The following SMURF2 variants were observed in gnomAD, a reference collection of about 807,000 sequenced individuals.
The protein encoded by SMURF2 is E3 ubiquitin-protein ligase SMURF2.
A neutral mutation model predicts 109.6 loss-of-function variants in SMURF2; 48 were observed. The observed-to-expected ratio is 0.44, with a 90% CI of 0.35 to 0.56. The LOEUF (loss-of-function observed/expected upper bound fraction) is 0.56, where lower values mean the gene tolerates loss of function less well. SMURF2 is among the 20% of genes least tolerant of loss of function. The pLI, the probability that SMURF2 is intolerant of heterozygous loss-of-function variation, is 0.01. For missense variants in SMURF2, 575 were observed against 909.0 expected, an observed-to-expected ratio of 0.63 and a Z score of 4.72; for synonymous variants, 288 against 317.1, an observed-to-expected ratio of 0.91 and a Z score of 0.97.
chr17:64,555,932 T>C lies in SMURF2; in HGVS notation c.1498A>G (p.Ile500Val). Reference sequence around the variant, plus strand: ...AAAGGCAATGTGAAACCACCATCAATATAATGTCCATGAAACACAGCCATT... The same window carrying C: ...AAAGGCAATGTGAAACCACCATCAACATAATGTCCATGAAACACAGCCATT... ...MGMAVFHGHY[I>V]DGGFTLPFYK... The change falls in exon 14 of 19, where the codon ATT (isoleucine) becomes GTT (valine). Residue 500 changes from isoleucine (I) to valine (V), a missense_variant. By Grantham distance (29) the Ile-to-Val change is conservative. Around this residue, in one of 5 missense-constraint regions of SMURF2, gnomAD observed 361 missense variants for 612.1 expected, o/e 0.59. Transcript: ENST00000262435. The C allele has an allele frequency of 6.2e-7, 1 of 1,613,694 alleles. No homozygotes were observed. Among genetic ancestry groups the C allele is most frequent in the Middle Eastern group, 1.7e-4 (1 of 6,054 alleles).
At chr17:64,602,833 C>G (rs1394390156) in intron 2 of SMURF2, among the ~76,000 whole-genome samples, 1 of 152,080 alleles carries the variant, frequency 6.6e-6, no homozygotes, top group East Asian at 1.9e-4. Context: ...GAGGCAGAAG[C>G]AGAATTGCTT....
chr17:64,557,667 G>C lies in SMURF2; in HGVS notation c.1372C>G (p.Gln458Glu). The C allele has an allele frequency of 6.2e-7, 1 of 1,612,542 alleles. No individual in the cohort carries two copies. The highest frequency in any genetic ancestry group is 1.1e-5 in the South Asian group (1 of 90,938). ...GTATAAATATCATCTCTTGAATACT[G>C]GAAGAGGCCATAGTATGGATTCAAC... ...EMLNPYYGLF[Q>E]YSRDDIYTLQ... Residue 458 changes from glutamine (Q) to glutamate (E), a missense_variant, in exon 13 of 19, where the codon CAG (glutamine) becomes GAG (glutamate). Physicochemically the swap from Gln to Glu is conservative, Grantham distance 29 (BLOSUM62 2). This residue lies in a region of SMURF2 where 361 missense variants were observed against 612.1 expected (regional missense o/e 0.59). Transcript: ENST00000262435.
intron 1 of SMURF2, among the ~76,000 whole-genome samples, chr17:64,623,450 A>G (rs935819615): frequency 5.3e-5 from 8 of 152,316 alleles, no homozygotes; most frequent in Admixed American, 5.2e-4. Context: ...GAATCTGCCT[A>G]GATTTCTCAT....
At chr17:64,548,867 A>T (rs74630491) in intron 16 of SMURF2, among the ~76,000 whole-genome samples, 1,606 of 152,274 alleles carry the variant, frequency 0.011, 28 homozygotes, top group African/African-American at 0.037. Flanking sequence ...TACTAATCTA[A>T]CATGTTTGTT....
chr17:64,598,938 T>C (rs1468633962), intron 2 of SMURF2, among the ~76,000 whole-genome samples: 2 of 152,130 alleles, frequency 1.3e-5, no homozygotes, highest in Non-Finnish European at 2.9e-5. Context: ...AATTAGCAAA[T>C]GAGTTTTGCT....
intron 1 of SMURF2, among the ~76,000 whole-genome samples, chr17:64,638,341 C>T (rs1416081464): frequency 6.6e-6 from 1 of 152,184 alleles, no homozygotes; most frequent in African/African-American, 2.4e-5. Context: ...GCTGGGATTA[C>T]AGGCATGAGC....
chr17:64,586,100 G>A lies in SMURF2; in HGVS notation c.471C>T (p.Asn157=), dbSNP rs782206796. 16 of 1,417,108 alleles carry A rather than the reference G, an allele frequency of 1.1e-5. 1 individual carries two copies. The highest frequency in any genetic ancestry group is 2.9e-5 in the African/African-American group (2 of 69,456). 87.8% of individuals were successfully genotyped at this position (1,417,108 alleles called of 1,614,324 possible). A position where few individuals can be genotyped will look rare whatever the true frequency, so the allele number is the denominator to read the frequency against. Residue 157 remains asparagine, a synonymous_variant, in exon 6 of 19, where the codon AAC becomes AAT. Transcript: ENST00000262435. ...QVVDCSRLFD[N]DLPDGWEERR... is the part of the protein sequence containing the mutation. ...TGTTAGCTTACCCGTCTGGTAAATC[G>A]TTATCAAATAAACGACTGCAGTCCA...
intron 9 of SMURF2, among the ~76,000 whole-genome samples, chr17:64,574,365 A>G (rs1405868110): frequency 6.6e-6 from 1 of 152,240 alleles, no homozygotes; most frequent in East Asian, 1.9e-4. Flanking sequence ...TTTCAAGACT[A>G]CAGTCACTCA....
chr17:64,557,537 A>G, intron 13 of SMURF2, 71 bp downstream of exon 13: 1 of 1,023,750 alleles, frequency 9.8e-7, no homozygotes, highest in Non-Finnish European at 1.5e-6. Context: ...TTTCTATATA[A>G]TAAACTACAT....
intron 1 of SMURF2, among the ~76,000 whole-genome samples, chr17:64,648,116 G>A (rs1970586430): frequency 9.8e-6 from 1 of 102,256 alleles, no homozygotes; most frequent in Non-Finnish European, 2.0e-5. Flanking sequence ...GTAATTAAAT[G>A]AGACAATAAA....
intron 15 of SMURF2, among the ~76,000 whole-genome samples, chr17:64,551,980 A>G (rs1475600194): frequency 6.6e-6 from 1 of 152,246 alleles, no homozygotes; most frequent in Non-Finnish European, 1.5e-5. Flanking sequence ...CAGGACGTCT[A>G]CTAGAGCTGA....
intron 1 of SMURF2, among the ~76,000 whole-genome samples, chr17:64,619,320 T>C (rs1970167496): frequency 1.3e-5 from 2 of 150,896 alleles, no homozygotes; most frequent in Admixed American, 1.3e-4. Context: ...CTACTAAAAA[T>C]ACAAAAAATT....
In SMURF2 at chr17:64,575,089, ATTTT is replaced by A. The variant is rs551344959; in HGVS notation, c.858-3137_858-3134del. 9.5e-5 allele frequency among the ~76,000 whole-genome samples: 14 copies of A among 147,396 alleles called. No homozygotes were observed. In the East Asian group the frequency reaches 1.8e-3, roughly 19 times the overall value. ...TGATTTTGAAAAGTTAGGCCCTTGG[ATTTT>A]TTTTTTCTTTTTTTAGTAAGCTTAA... On this transcript the variant is annotated intron_variant, in intron 9 of 18. Transcript: ENST00000262435.
chr17:64,545,782 T>G lies in SMURF2; in HGVS notation c.*66A>C. 1.8e-6 allele frequency: 1 copy of G among 552,146 alleles called. No individual in the cohort carries two copies. 34.2% of individuals were successfully genotyped at this position (552,146 alleles called of 1,614,324 possible). ...TGTATTTCAGCATATTCTTTGAAAC[T>G]CTGCTGAAAGGAGGCTGTCAGTCAG... On this transcript the variant is annotated 3_prime_UTR_variant, in exon 19 of 19. Transcript: ENST00000262435.
intron 9 of SMURF2, among the ~76,000 whole-genome samples, chr17:64,577,598 A>AAGAG (rs1312754336): frequency 1.3e-5 from 2 of 150,282 alleles, no homozygotes; most frequent in Non-Finnish European, 3.0e-5. Flanking sequence ...AAAAAAAAAA[A>AAGAG]AGAGAGAGAG....
intron 10 of SMURF2, among the ~76,000 whole-genome samples, chr17:64,567,243 T>C (rs1468657597): frequency 1.3e-5 from 2 of 152,200 alleles, no homozygotes; most frequent in Admixed American, 6.5e-5. Context: ...AATGTTCAAA[T>C]GAAAACTTTC....
chr17:64,593,474 A>G lies in SMURF2; in HGVS notation c.300T>C (p.Leu100=), dbSNP rs1555687849. ...GAGFLGCVRL[L]SNAINRLKDT... ...CTTTGAGGCGGTTGATGGCATTGGA[A>G]AGAAGACGAACACAACCGAGAAATC... The change falls in exon 4 of 19, where the codon CTT becomes CTC. Residue 100 remains leucine (L), a synonymous_variant. Coordinates refer to ENST00000262435, the MANE Select transcript of SMURF2 (RefSeq NM_022739.4). 1.2e-6 allele frequency: 2 copies of G among 1,610,502 alleles called. No homozygotes were observed. The highest frequency in any genetic ancestry group is 3.3e-5 in the Admixed American group (2 of 59,904).
chr17:64,609,323 A>G lies in SMURF2; in HGVS notation c.53-2683T>C, dbSNP rs555201597. 3.9e-5 allele frequency among the ~76,000 whole-genome samples: 6 copies of G among 152,330 alleles called. No homozygotes were observed. In the South Asian group the frequency reaches 1.2e-3, roughly 32 times the overall value. ...GAGCCCACATAGCCAAGACAATCCTAAGCAAAAAGAACAAAGCTGGAGGCA... is the reference window on the plus strand; with the variant it reads ...GAGCCCACATAGCCAAGACAATCCTGAGCAAAAAGAACAAAGCTGGAGGCA... On this transcript the variant is annotated intron_variant, in intron 1 of 18. Coordinates refer to ENST00000262435, the MANE Select transcript of SMURF2 (RefSeq NM_022739.4).
intron 1 of SMURF2, among the ~76,000 whole-genome samples, chr17:64,636,750 G>C (rs1970422173): frequency 6.6e-6 from 1 of 150,838 alleles, no homozygotes; most frequent in Non-Finnish European, 1.5e-5. Flanking sequence ...CTGCACTCCT[G>C]CCTAGGCGAC....
Sources: allele counts gnomAD v4.1 joint callset (sites outside exome capture counted in the v4.1 genomes callset), GRCh38; gene constraint gnomAD v4.1.1; regional missense constraint gnomAD v4.1.1; transcripts MANE v1.5; gene names NCBI Gene and HGNC (gene_info 2026-07-23, HGNC 2026-07-21).